CDH18: variants seen among roughly 807,000 people sequenced by gnomAD.
CDH18 encodes the protein cadherin-18.
Under a neutral mutation model 67.9 loss-of-function variants are expected in CDH18, and 31 were observed. That is an observed-to-expected ratio of 0.46 (90% CI 0.34 to 0.62). The LOEUF is 0.62. CDH18 is among the 20% of genes least tolerant of loss of function. CDH18 has a pLI of 0.01. For synonymous variants in CDH18, 362 were observed against 347.2 expected (o/e 1.04, Z -0.48); for missense variants, 890 against 975.5 (o/e 0.91, Z 1.17).
At chr5:20,527,367 AC>A (rs1756136094) in intron 1 of CDH18, among the ~76,000 whole-genome samples, 2 of 152,104 alleles carry the variant, frequency 1.3e-5, no homozygotes, top group Non-Finnish European at 2.9e-5. Flanking sequence ...AACTTCCCCA[AC>A]CTGGCAAGAC....
At chr5:20,130,298 A>G (rs1230560664) in intron 2 of CDH18, among the ~76,000 whole-genome samples, 1 of 151,644 alleles carries the variant, frequency 6.6e-6, no homozygotes, top group Non-Finnish European at 1.5e-5. Context: ...GGAAGGTGGC[A>G]AGTTCAAAAT....
At chr5:20,115,901 C>G (rs1219551173) in intron 2 of CDH18, among the ~76,000 whole-genome samples, 1 of 151,970 alleles carries the variant, frequency 6.6e-6, no homozygotes. Flanking sequence ...AGGTAGATGT[C>G]CCAGGCCTGG....
chr5:19,801,515 G>A (rs948714563), intron 3 of CDH18, among the ~76,000 whole-genome samples: 6 of 152,150 alleles, frequency 3.9e-5, no homozygotes, highest in Admixed American at 2.6e-4. Flanking sequence ...TTTCAGATTG[G>A]CTTACTTAAT....
chr5:19,747,549 T>A (rs1581172821), intron 3 of CDH18, among the ~76,000 whole-genome samples: 1 of 152,278 alleles, frequency 6.6e-6, no homozygotes, highest in African/African-American at 2.4e-5. Flanking sequence ...TGCCATAAAG[T>A]TGGGAAAATA....
At chr5:19,671,300 A>T (rs909772200) in intron 5 of CDH18, among the ~76,000 whole-genome samples, 1 of 152,166 alleles carries the variant, frequency 6.6e-6, no homozygotes, top group African/African-American at 2.4e-5. Context: ...TTGCTCTTCC[A>T]GTTAAAGTAG....
At chr5:20,519,048 G>A (rs1364251803) in intron 1 of CDH18, among the ~76,000 whole-genome samples, 1 of 152,056 alleles carries the variant, frequency 6.6e-6, no homozygotes, top group Non-Finnish European at 1.5e-5. Flanking sequence ...AATACCCCCA[G>A]CCTGGATGAT....
chr5:20,304,859 C>T, intron 1 of CDH18: 2 of 1,611,650 alleles, frequency 1.2e-6, no homozygotes, highest in Non-Finnish European at 1.7e-6. Flanking sequence ...TGTTGCTGTT[C>T]AATGTTTGCT....
At chr5:19,476,222 A>G (rs1738437856) in intron 12 of CDH18, among the ~76,000 whole-genome samples, 1 of 152,076 alleles carries the variant, frequency 6.6e-6, no homozygotes, top group South Asian at 2.1e-4. Flanking sequence ...AAAAGATATT[A>G]GCATTGGGAA....
At chr5:20,072,903 T>G (rs1035487010) in intron 2 of CDH18, among the ~76,000 whole-genome samples, 2 of 152,004 alleles carry the variant, frequency 1.3e-5, no homozygotes, top group African/African-American at 4.8e-5. Context: ...ATTGTTATGG[T>G]TGAAAACACA....
chr5:19,787,919 A>G (rs1775983884), intron 3 of CDH18, among the ~76,000 whole-genome samples: 1 of 151,694 alleles, frequency 6.6e-6, no homozygotes, highest in East Asian at 1.9e-4. Flanking sequence ...TATATCAGAT[A>G]AGTAATATTT....
At chr5:20,320,413 G>C (rs1580743769) in intron 1 of CDH18, among the ~76,000 whole-genome samples, 1 of 151,956 alleles carries the variant, frequency 6.6e-6, no homozygotes, top group African/African-American at 2.4e-5. Context: ...ACTATGACAG[G>C]GATGAGCTGG....
intron 1 of CDH18, among the ~76,000 whole-genome samples, chr5:20,328,717 A>G (rs78991227): frequency 0.014 from 2,150 of 152,286 alleles, 56 homozygotes; most frequent in African/African-American, 0.048. Flanking sequence ...ATACCGGGTC[A>G]GGCATGGTGG....
chr5:19,634,702 T>A (rs1007452065), intron 5 of CDH18, among the ~76,000 whole-genome samples: 1 of 151,846 alleles, frequency 6.6e-6, no homozygotes, highest in East Asian at 1.9e-4. Context: ...TTTGGGAGCC[T>A]GAGGGTGGGT....
In CDH18 at chr5:19,833,162, G is replaced by A. The variant is rs150305414; in HGVS notation, c.228+5597C>T. Among the ~76,000 whole-genome samples the A allele has an allele frequency of 7.0e-3, 1,062 of 152,266 alleles. 14 individuals are homozygous for A. Among genetic ancestry groups the A allele is most frequent in the Middle Eastern group, 0.024 (7 of 294 alleles). On this transcript the variant is annotated intron_variant, in intron 3 of 12. Transcript: ENST00000382275. Reference sequence around the variant, plus strand: ...TTGATTCTTCCTATCCATGAGGATGGAATGTTTTTTCATTTGTTTGTGTCC... The same window carrying A: ...TTGATTCTTCCTATCCATGAGGATGAAATGTTTTTTCATTTGTTTGTGTCC...
Position 20,078,860 on chromosome 5 carries a change from C to T in CDH18, c.-517-86846G>A, listed in dbSNP as rs187724861. Reference sequence around the variant, plus strand: ...TGAACTCCTGATCTGAGGTGATCCACCCGCCTCGGCCTCCCAAAGTGCTGG... The same window carrying T: ...TGAACTCCTGATCTGAGGTGATCCATCCGCCTCGGCCTCCCAAAGTGCTGG... On this transcript the variant is annotated intron_variant, in intron 2 of 14. Coordinates refer to the CDH18 transcript ENST00000507958. 7.9e-3 allele frequency among the ~76,000 whole-genome samples: 1,209 copies of T among 152,286 alleles called. 11 individuals are homozygous for T. Among genetic ancestry groups the T allele is most frequent in the Middle Eastern group, 0.044 (13 of 294 alleles).
intron 1 of CDH18, among the ~76,000 whole-genome samples, chr5:20,294,559 A>C (rs1337720889): frequency 2.0e-5 from 3 of 152,202 alleles, no homozygotes; most frequent in Non-Finnish European, 2.9e-5. Context: ...GTAATGAGGA[A>C]AGCAGATTAC....
At chr5:19,920,322 G>A (rs1792289058) in intron 2 of CDH18, among the ~76,000 whole-genome samples, 1 of 151,984 alleles carries the variant, frequency 6.6e-6, no homozygotes, top group Non-Finnish European at 1.5e-5. Context: ...TAATTCATTG[G>A]AAATAACATA....
At chr5:19,857,414 T>C (rs1369175890) in intron 2 of CDH18, among the ~76,000 whole-genome samples, 1 of 152,184 alleles carries the variant, frequency 6.6e-6, no homozygotes, top group Non-Finnish European at 1.5e-5. Context: ...ACTTCTTCAG[T>C]ATAAATGATG....
At chr5:20,285,412 TATAA>T (rs1216327399) in intron 1 of CDH18, among the ~76,000 whole-genome samples, 2 of 96,612 alleles carry the variant, frequency 2.1e-5, no homozygotes, top group Admixed American at 2.3e-4. Context: ...TATAATATAA[TATAA>T]TATAATATAA....
Sources: allele counts gnomAD v4.1 joint callset (sites outside exome capture counted in the v4.1 genomes callset), GRCh38; gene constraint gnomAD v4.1.1; transcripts MANE v1.5; gene names NCBI Gene and HGNC (gene_info 2026-07-23, HGNC 2026-07-21).